Variants in GCC2 observed in about 807,000 individuals in gnomAD.
GCC2 encodes the protein GRIP and coiled-coil domain-containing protein 2.
A neutral mutation model predicts 210.6 loss-of-function variants in GCC2; 120 were observed. The observed-to-expected ratio is 0.57, with a 90% CI of 0.49 to 0.66. The LOEUF (loss-of-function observed/expected upper bound fraction) is 0.66, where lower values mean the gene tolerates loss of function less well. Among genes scored for constraint, GCC2 ranks in the 30% least tolerant of loss-of-function variants. The probability of loss-of-function intolerance (pLI) is 0.00; values close to 1 mark genes in which losing one functional copy is unlikely to be tolerated. For missense variants in GCC2, 1,868 were observed against 1,871.9 expected (o/e 1.00, Z 0.04); for synonymous variants, 703 against 652.7 (o/e 1.08, Z -1.17).
Position 108,497,042 on chromosome 2 carries a change from C to G in GCC2, c.4715C>G (p.Ala1572Gly). ...VQKLSSTTKSADHLNGLLRET... is the reference protein window; with the variant it reads ...VQKLSSTTKSGDHLNGLLRET... Reference sequence around the variant, plus strand: ...AAGCTCAGTTCCACCACAAAAAGTGCAGATCACTTAAACGGCCTGCTTCGG... The same window carrying G: ...AAGCTCAGTTCCACCACAAAAAGTGGAGATCACTTAAACGGCCTGCTTCGG... Residue 1572 changes from alanine (A) to glycine (G), a missense_variant, in exon 21 of 23, where the codon GCA (alanine) becomes GGA (glycine). Around this residue, in one of 3 missense-constraint regions of GCC2, gnomAD observed 1,847 missense variants for 1,765.2 expected, o/e 1.05. Coordinates refer to ENST00000309863, the MANE Select transcript of GCC2 (RefSeq NM_181453.4). The G allele has an allele frequency of 6.2e-7, 1 of 1,612,006 alleles. No homozygotes were observed. The highest frequency in any genetic ancestry group is 8.5e-7 in the Non-Finnish European group (1 of 1,179,864).
At chr2:108,494,978 A>G (rs897443329) in intron 19 of GCC2, 17 of 163,624 alleles carry the variant, frequency 1.0e-4, no homozygotes, top group Admixed American at 1.3e-4. Flanking sequence ...TGCCTGGCTG[A>G]TTTTTGTATT....
intron 4 of GCC2, among the ~76,000 whole-genome samples, chr2:108,455,456 C>A (rs985250425): frequency 5.3e-5 from 8 of 152,056 alleles, no homozygotes; most frequent in African/African-American, 1.9e-4. Context: ...AAAAAAAATT[C>A]TCCAAGTTAG....
intron 18 of GCC2, among the ~76,000 whole-genome samples, chr2:108,490,411 C>G (rs1053524607): frequency 6.6e-6 from 1 of 152,218 alleles, no homozygotes; most frequent in African/African-American, 2.4e-5. Flanking sequence ...ATTCTGTCTT[C>G]AATTTGTCAT....
intron 19 of GCC2, 28 bp from the exon 20 acceptor site, chr2:108,495,263 C>T (rs1553443610): frequency 2.7e-6 from 4 of 1,475,582 alleles, no homozygotes; most frequent in South Asian, 2.4e-5. Context: ...AACAATCTCA[C>T]ACTTAACCTT....
At chr2:108,466,637 T>TAATTTTTTG (rs1402078041) in intron 4 of GCC2, among the ~76,000 whole-genome samples, 1 of 151,740 alleles carries the variant, frequency 6.6e-6, no homozygotes, top group Non-Finnish European at 1.5e-5. Context: ...CACACCTGAC[T>TAATTTTTTG]AATTTTTTGT....
At position 108,469,845 on chromosome 2, in the gene GCC2, T is replaced by G; in HGVS notation, c.516T>G (p.Phe172Leu). 6.2e-7 allele frequency: 1 copy of G among 1,612,914 alleles called. No individual in the cohort carries two copies. ...TQLELSEQLKFQNNSEDNVKK... is the reference protein window; with the variant it reads ...TQLELSEQLKLQNNSEDNVKK... The stretch of plus-strand genomic sequence containing the variant: ...TAGAACTTTCAGAACAACTTAAATT[T>G]CAGAACAACTCTGAAGATAATGTTA... The change falls in exon 6 of 23, where the codon TTT (phenylalanine) becomes TTG (leucine). Residue 172 changes from phenylalanine to leucine, a missense_variant. Phe to Leu is a conservative substitution (Grantham distance 22). Around this residue, in one of 3 missense-constraint regions of GCC2, gnomAD observed 1,847 missense variants for 1,765.2 expected, o/e 1.05. Coordinates refer to ENST00000309863, the MANE Select transcript of GCC2 (RefSeq NM_181453.4).
At position 108,497,205 on chromosome 2, in the gene GCC2, C is replaced by T. The variant is rs191691773; in HGVS notation, c.4782+96C>T. ...GATCTCAGCTCACTGCAAGCTCCAC[C>T]TCCCAGGTTCACGCCATTCTCCTGC... is the stretch of plus-strand genomic sequence containing the variant. On this transcript the variant is annotated intron_variant, in intron 21 of 22. Transcript: ENST00000309863. 1.8e-4 allele frequency: 292 copies of T among 1,594,188 alleles called. 2 individuals are homozygous for T. In the African/African-American group the frequency reaches 3.7e-3, roughly 20 times the overall value.
chr2:108,465,500 C>T (rs1341216846), intron 4 of GCC2, among the ~76,000 whole-genome samples: 5 of 152,214 alleles, frequency 3.3e-5, no homozygotes, highest in Admixed American at 2.0e-4. Flanking sequence ...CCCTAGCTCC[C>T]CTTCCACCCT....
chr2:108,461,902 G>A (rs1181799989), intron 4 of GCC2, among the ~76,000 whole-genome samples: 64 of 132,424 alleles, frequency 4.8e-4, no homozygotes, highest in Admixed American at 4.6e-3. Flanking sequence ...GGCCTATCTC[G>A]GCTCACTGCA....
At chr2:108,498,334 T>C (rs2104509507) in intron 21 of GCC2, among the ~76,000 whole-genome samples, 1 of 151,702 alleles carries the variant, frequency 6.6e-6, no homozygotes, top group East Asian at 1.9e-4. Flanking sequence ...TAGCTGGGAC[T>C]GCAGGCACGC....
intron 19 of GCC2, 137 bp from the exon 20 acceptor site, chr2:108,495,144 TTCTTCATACA>T: frequency 2.0e-6 from 1 of 501,490 alleles, no homozygotes; most frequent in Non-Finnish European, 3.5e-6. Context: ...GCTTTAGCAA[TTCTTCATACA>T]CCTTTCACTT....
In GCC2 at chr2:108,470,641, T is replaced by A; in HGVS notation, c.1312T>A (p.Ser438Thr). 6.2e-7 allele frequency: 1 copy of A among 1,612,128 alleles called. No individual in the cohort carries two copies. Among genetic ancestry groups the A allele is most frequent in the Non-Finnish European group, 8.5e-7 (1 of 1,178,954 alleles). The change falls in exon 6 of 23, where the codon TCA (serine) becomes ACA (threonine). Residue 438 changes from serine to threonine, a missense_variant. Physicochemically the swap from Ser to Thr is moderately conservative, Grantham distance 58. Transcript: ENST00000309863. The part of the protein sequence containing the change: ...SLKEQHQKEI[S>T]ELNETFLSDS... Reference sequence around the variant, plus strand: ...TAAGGAACAACATCAAAAAGAAATATCAGAACTAAATGAGACATTTTTGTC... The same window carrying A: ...TAAGGAACAACATCAAAAAGAAATAACAGAACTAAATGAGACATTTTTGTC...
intron 4 of GCC2, among the ~76,000 whole-genome samples, chr2:108,465,112 A>G (rs1353996103): frequency 1.3e-5 from 2 of 152,232 alleles, no homozygotes; most frequent in African/African-American, 4.8e-5. Context: ...CCCACTGCCA[A>G]CATTGGGGGT....
chr2:108,482,029 TGTTTGTTTGGGG>T (rs1170675710), intron 10 of GCC2, among the ~76,000 whole-genome samples: 2 of 152,158 alleles, frequency 1.3e-5, no homozygotes, highest in African/African-American at 4.8e-5. Context: ...GAGGGTTGTT[TGTTTGTTTGGGG>T]GTTTGTTTGT....
At chr2:108,485,498 A>G in intron 13 of GCC2, 138 bp from the exon 14 acceptor site, 1 of 546,910 alleles carries the variant, frequency 1.8e-6, no homozygotes, top group Non-Finnish European at 3.3e-6. Context: ...CTACTGTCAC[A>G]TATGTTTGAA....
rs561846361 is a variant in GCC2 at position 108,501,805 on chromosome 2, G to C, written c.4984+2051G>C. Reference sequence around the variant, plus strand: ...GGTCTAGAGGCCTGATAAGATTCAGGCTTAATTTTTTTTACAGACATACTT... The same window carrying C: ...GGTCTAGAGGCCTGATAAGATTCAGCCTTAATTTTTTTTACAGACATACTT... On this transcript the variant is annotated intron_variant, in intron 22 of 22. Coordinates refer to ENST00000309863, the MANE Select transcript of GCC2 (RefSeq NM_181453.4). Among the ~76,000 whole-genome samples, 5 of 152,212 alleles carry C rather than the reference G, an allele frequency of 3.3e-5. No homozygotes were observed. The South Asian group carries it at 1.0e-3, about 32-fold the overall frequency.
At chr2:108,456,941 C>T (rs1461524317) in intron 4 of GCC2, among the ~76,000 whole-genome samples, 2 of 125,000 alleles carry the variant, frequency 1.6e-5, no homozygotes, top group African/African-American at 5.8e-5. Flanking sequence ...CAGAGGGAGC[C>T]CTTACATAAA....
At chr2:108,459,780 C>CTTTTTTTTTTTTTTTTTTGTT (rs1390752121) in intron 4 of GCC2, among the ~76,000 whole-genome samples, 1 of 38,686 alleles carries the variant, frequency 2.6e-5, no homozygotes, top group African/African-American at 1.0e-4. Flanking sequence ...TTTTTTTTTA[C>CTTTTTTTTTTTTTTTTTTGTT]TATTTTTGAC....
At chr2:108,480,914 T>A (rs569787191) in intron 9 of GCC2, among the ~76,000 whole-genome samples, 1 of 152,258 alleles carries the variant, frequency 6.6e-6, no homozygotes, top group African/African-American at 2.4e-5. Context: ...GTTAAAAAAT[T>A]TTTTAAAAAC....
Sources: allele counts gnomAD v4.1 joint callset (sites outside exome capture counted in the v4.1 genomes callset), GRCh38; gene constraint gnomAD v4.1.1; regional missense constraint gnomAD v4.1.1; transcripts MANE v1.5; gene names NCBI Gene and HGNC (gene_info 2026-07-23, HGNC 2026-07-21).